DPH1: variants seen among roughly 807,000 people sequenced by gnomAD.
The protein encoded by DPH1 is diphthamide biosynthesis 1, also known as 2-(3-amino-3-carboxypropyl)histidine synthase subunit 1.
DPH1 carries 59 observed loss-of-function variants against 55.3 expected under a neutral mutation model. The ratio of observed to expected loss-of-function variants is 1.07; its 90% CI spans 0.87 to 1.33. The LOEUF (loss-of-function observed/expected upper bound fraction) is 1.33, where lower values mean the gene tolerates loss of function less well. Among genes scored for constraint, DPH1 ranks in the 40% most tolerant of loss-of-function variants. DPH1 has a pLI of 0.00. For missense variants in DPH1, 628 were observed against 584.8 expected (o/e 1.07, Z -0.76); for synonymous variants, 238 against 235.5 (o/e 1.01, Z -0.10).
chr17:2,034,012 T>C (rs2067368258), intron 3 of DPH1, among the ~76,000 whole-genome samples, 170 bp downstream of exon 3: 1 of 151,450 alleles, frequency 6.6e-6, no homozygotes, highest in South Asian at 2.1e-4. Context: ...CCAAAACAAA[T>C]CTCCCAGCTT....
In DPH1 at chr17:2,036,140, C is replaced by A; in HGVS notation, c.400+49C>A. The stretch of plus-strand genomic sequence containing the variant: ...GACGGTGGCGGGGCTGGCAGGGAGG[C>A]AGGCTGCACATTCATCTTCCCCATG... On this transcript the variant is annotated intron_variant, in intron 4 of 12. Transcript: ENST00000263083. The surrounding 1 kb of genome is among the most constrained non-coding windows in gnomAD (Gnocchi z 4.8). The A allele has an allele frequency of 6.2e-7, 1 of 1,604,550 alleles. No individual in the cohort carries two copies. Among genetic ancestry groups the A allele is most frequent in the Non-Finnish European group, 8.5e-7 (1 of 1,174,890 alleles).
At chr17:2,040,667 G>A (rs1043732960) in intron 9 of DPH1, 62 bp downstream of exon 9, 26 of 1,552,418 alleles carry the variant, frequency 1.7e-5, no homozygotes, top group Admixed American at 3.4e-5. Context: ...TGCCCAGCTC[G>A]TCTTGAAGGC....
Position 2,039,752 on chromosome 17 carries a change from C to T in DPH1, c.681-3C>T, listed in dbSNP as rs1436821099. 5 of 1,614,174 alleles carry T rather than the reference C, an allele frequency of 3.1e-6. No homozygotes were observed. Among genetic ancestry groups the T allele is most frequent in the South Asian group, 2.2e-5 (2 of 91,074 alleles). On this transcript the variant is annotated splice_region_variant and splice_polypyrimidine_tract_variant and intron_variant, in intron 6 of 12. Coordinates refer to ENST00000263083, the MANE Select transcript of DPH1 (RefSeq NM_001383.6). The stretch of plus-strand genomic sequence containing the variant: ...ACACTTAGCCTCCTTTCCACCCCTG[C>T]AGGTATCTTGGAGATGGCCGCTTCC...
At position 2,036,910 on chromosome 17, in the gene DPH1, C is replaced by T. The variant is rs1315012218; in HGVS notation, c.634C>T (p.Leu212=). ...QCKPLSPGEI[L]GCTSPRLSKE... is the part of the protein sequence containing the mutation. ...CAAGCCCCTGTCCCCTGGAGAGATC[C>T]TGGGCTGCACATCCCCCCGACTGTC... The change falls in exon 6 of 13, where the codon CTG becomes TTG. Residue 212 remains leucine (L), a synonymous_variant. Transcript: ENST00000263083. The surrounding 1 kb of genome is among the most constrained non-coding windows in gnomAD (Gnocchi z 4.8). 6.2e-7 allele frequency: 1 copy of T among 1,613,734 alleles called. No individual in the cohort carries two copies. Among genetic ancestry groups the T allele is most frequent in the Non-Finnish European group, 8.5e-7 (1 of 1,179,982 alleles).
At position 2,036,667 on chromosome 17, in the gene DPH1, A is replaced by G. The variant is rs771328431; in HGVS notation, c.539A>G (p.Gln180Arg). The change falls in exon 5 of 13, where the codon CAG (glutamine) becomes CGG (arginine). Residue 180 changes from glutamine to arginine, a missense_variant. Transcript: ENST00000263083. The surrounding 1 kb of genome is among the most constrained non-coding windows in gnomAD (Gnocchi z 4.8). The stretch of plus-strand genomic sequence containing the variant: ...GCCCTTGCCCTGGTCAGCACCATTC[A>G]GTTTGTGTCGACCTTGCAGGTGGGT... ...ATALALVSTI[Q>R]FVSTLQAAAQ... 1 of 1,613,952 alleles carries G rather than the reference A, an allele frequency of 6.2e-7. No homozygotes were observed. Among genetic ancestry groups the G allele is most frequent in the South Asian group, 1.1e-5 (1 of 91,068 alleles).
chr17:2,041,278 TC>T, intron 10 of DPH1, 97 bp downstream of exon 10: 24 of 1,495,994 alleles, frequency 1.6e-5, no homozygotes, highest in Non-Finnish European at 2.2e-5. Flanking sequence ...TTCGTTATGT[TC>T]GTAGATTCCG....
chr17:2,042,148 G>T lies in DPH1; in HGVS notation c.*18+273G>T, dbSNP rs376438806. Reference sequence around the variant, plus strand: ...ACCGGGGCGCTGAGGAAGGCGCTGCGGGGTCGCGCCGAGCTCGTGTGCCTC... The same window carrying T: ...ACCGGGGCGCTGAGGAAGGCGCTGCTGGGTCGCGCCGAGCTCGTGTGCCTC... On this transcript the variant is annotated intron_variant, in intron 12 of 12. Coordinates refer to ENST00000263083, the MANE Select transcript of DPH1 (RefSeq NM_001383.6). 16 of 1,524,290 alleles carry T rather than the reference G, an allele frequency of 1.0e-5. No individual in the cohort carries two copies. The African/African-American group carries it at 2.0e-4, about 19-fold the overall frequency. 94.4% of individuals were successfully genotyped at this position (1,524,290 alleles called of 1,614,324 possible).
At chr17:2,041,904 GC>G in intron 12 of DPH1, 29 bp downstream of exon 12, 2 of 1,545,962 alleles carry the variant, frequency 1.3e-6, no homozygotes, top group Non-Finnish European at 1.7e-6. Flanking sequence ...GGTGCGCCCC[GC>G]CTTTTGCCGT....
intron 6 of DPH1, chr17:2,037,231 A>G (rs1597281975): frequency 6.0e-6 from 2 of 335,048 alleles, no homozygotes; most frequent in Non-Finnish European, 1.1e-5. Context: ...TGGTGGGAAT[A>G]TAATTGGAGA....
At chr17:2,040,796 C>CA (rs2067506631) in intron 9 of DPH1, 191 bp downstream of exon 9, 1 of 659,112 alleles carries the variant, frequency 1.5e-6, no homozygotes, top group Non-Finnish European at 2.6e-6. Flanking sequence ...GCAATGGCAA[C>CA]ATCACATTTG....
chr17:2,042,230 C>G, intron 12 of DPH1: 1 of 1,422,558 alleles, frequency 7.0e-7, no homozygotes, highest in East Asian at 2.8e-5. Context: ...GATCAGACTT[C>G]GGTGAGACAA....
chr17:2,031,418 C>T (rs1418114885), intron 1 of DPH1, among the ~76,000 whole-genome samples: 7 of 151,650 alleles, frequency 4.6e-5, no homozygotes, highest in East Asian at 1.9e-4. Context: ...AAAAATTAGC[C>T]GCGTGTGGTA....
chr17:2,037,933 G>A (rs1431606570), intron 6 of DPH1, among the ~76,000 whole-genome samples: 2 of 152,164 alleles, frequency 1.3e-5, no homozygotes, highest in Non-Finnish European at 2.9e-5. Flanking sequence ...GTATCTGGGA[G>A]GATTAGGAGA....
At position 2,043,113 on chromosome 17, in the gene DPH1, G is replaced by A. The variant is rs2067576575; in HGVS notation, c.*527G>A. ...ACCAGTTTGCAGAGTGAAAGATCAA[G>A]AAATGTCTCTGCTCCTACATCCAGC... is the stretch of plus-strand genomic sequence containing the variant. On this transcript the variant is annotated 3_prime_UTR_variant, in exon 13 of 13. Transcript: ENST00000263083. 3.1e-6 allele frequency: 5 copies of A among 1,610,996 alleles called. No individual in the cohort carries two copies. In the East Asian group the frequency reaches 6.7e-5, roughly 22 times the overall value.
intron 9 of DPH1, 186 bp from the exon 10 acceptor site, chr17:2,040,917 C>G: frequency 2.9e-6 from 2 of 680,080 alleles, no homozygotes; most frequent in Non-Finnish European, 5.1e-6. Flanking sequence ...TCATTGTCGG[C>G]AGAGGAAACA....
At position 2,033,672 on chromosome 17, in the gene DPH1, A is replaced by T; in HGVS notation, c.214+15A>T. 6.2e-7 allele frequency: 1 copy of T among 1,613,798 alleles called. No homozygotes were observed. The highest frequency in any genetic ancestry group is 1.3e-5 in the African/African-American group (1 of 75,054). On this transcript the variant is annotated intron_variant, in intron 2 of 12. Transcript: ENST00000263083. ...GGCCAAGAAGGGTGAGCCTGTGATCATTGAGCTGGGGTTGGGGTGGAGAGG... is the reference window on the plus strand; with the variant it reads ...GGCCAAGAAGGGTGAGCCTGTGATCTTTGAGCTGGGGTTGGGGTGGAGAGG...
Position 2,041,413 on chromosome 17 carries a change from C to A in DPH1, c.1087-68C>A, listed in dbSNP as rs77215855. On this transcript the variant is annotated intron_variant, in intron 10 of 12. Transcript: ENST00000263083. Reference sequence around the variant, plus strand: ...TGCCCTTCACAGGCCGTCGTGAGGACTGAATTCAGTAATCCAGGGGCAGAA... The same window carrying A: ...TGCCCTTCACAGGCCGTCGTGAGGAATGAATTCAGTAATCCAGGGGCAGAA... 41 of 1,557,514 alleles carry A rather than the reference C, an allele frequency of 2.6e-5. 1 individual carries two copies. In the East Asian group the frequency reaches 4.1e-4, roughly 15 times the overall value.
Position 2,030,238 on chromosome 17 carries a change from C to T in DPH1, c.61+8C>T. ...GAGACGGCCCTGGCAGAGGTGGGTG[C>T]TGGAACGCTGCGCCCTCCAGACCTC... On this transcript the variant is annotated splice_region_variant and intron_variant, in intron 1 of 12. Coordinates refer to ENST00000263083, the MANE Select transcript of DPH1 (RefSeq NM_001383.6). 1 of 1,572,532 alleles carries T rather than the reference C, an allele frequency of 6.4e-7. No homozygotes were observed. Among genetic ancestry groups the T allele is most frequent in the Non-Finnish European group, 8.6e-7 (1 of 1,159,276 alleles).
intron 3 of DPH1, 36 bp from the exon 4 acceptor site, chr17:2,035,934 T>C: frequency 6.2e-7 from 1 of 1,613,184 alleles, no homozygotes; most frequent in Non-Finnish European, 8.5e-7. Flanking sequence ...AGTCCCTGTG[T>C]CCCTGTCCCA....
Sources: gnomAD v4.1 joint callset for allele counts (sites outside exome capture counted in the v4.1 genomes callset) on GRCh38, gnomAD v4.1.1 for gene constraint, Gnocchi (gnomAD v3.1) non-coding constraint, MANE v1.5 for transcripts, NCBI Gene and HGNC (gene_info 2026-07-23, HGNC 2026-07-21) for gene names.